The following VKORC1L1 variants were observed in gnomAD, a reference collection of about 807,000 sequenced individuals.
VKORC1L1 encodes vitamin K epoxide reductase complex subunit 1L1, also known as vitamin K epoxide reductase complex subunit 1-like protein 1.
A neutral mutation model predicts 18.9 loss-of-function variants in VKORC1L1; 2 were observed. That is an observed-to-expected ratio of 0.11 (90% CI 0.04 to 0.33). VKORC1L1 has a LOEUF of 0.33. Ranked by LOEUF, VKORC1L1 falls within the 10% of genes least tolerant of loss-of-function variation. VKORC1L1 has a pLI of 1.00. For synonymous variants in VKORC1L1, 96 were observed against 100.0 expected, an observed-to-expected ratio of 0.96 and a Z score of 0.24; for missense variants, 123 against 224.1, an observed-to-expected ratio of 0.55 and a Z score of 2.88.
rs1403191146 is a variant in VKORC1L1 at position 65,873,084 on chromosome 7, C to G, written c.-288C>G. On this transcript the variant is annotated 5_prime_UTR_variant, in exon 1 of 3. Coordinates refer to ENST00000360768, the MANE Select transcript of VKORC1L1 (RefSeq NM_173517.6). ...GCGCCACGCCGCCTCAGTCTCCGCC[C>G]GCCGATCCGGCCTCTTCGGCCGTTG... Among the ~76,000 whole-genome samples, 1 of 149,012 alleles carries G rather than the reference C, an allele frequency of 6.7e-6. No homozygotes were observed. The highest frequency in any genetic ancestry group is 1.5e-5 in the Non-Finnish European group (1 of 66,656).
At chr7:65,884,831 T>A (rs1788986612) in intron 1 of VKORC1L1, among the ~76,000 whole-genome samples, 1 of 152,206 alleles carries the variant, frequency 6.6e-6, no homozygotes, top group Admixed American at 6.5e-5. Flanking sequence ...GATTTAATGG[T>A]TTCACATTTA....
At chr7:65,872,518 C>A (rs890421213), upstream of VKORC1L1, among the ~76,000 whole-genome samples, 3 of 151,848 alleles carry the variant, frequency 2.0e-5, no homozygotes, top group Admixed American at 6.6e-5. Flanking sequence ...AGTAGAGACG[C>A]GGTTACGCCA....
rs574488778 is a variant in VKORC1L1 at position 65,939,205 on chromosome 7, G to GAC, written c.195-9466_195-9465insAC. Among the ~76,000 whole-genome samples, 54 of 152,322 alleles carry GAC rather than the reference G, an allele frequency of 3.5e-4. No homozygotes were observed. The East Asian group carries it at 7.1e-3, about 20-fold the overall frequency. On this transcript the variant is annotated intron_variant, in intron 1 of 2. Coordinates refer to ENST00000360768, the MANE Select transcript of VKORC1L1 (RefSeq NM_173517.6). ...TAACCTTTGATGACCACGACTCCGTGGATAAGATTGTCATTCAGAAATACT... is the reference window on the plus strand; with the variant it reads ...TAACCTTTGATGACCACGACTCCGTGACGATAAGATTGTCATTCAGAAATACT...
chr7:65,889,450 G>A (rs1453442241), intron 1 of VKORC1L1, among the ~76,000 whole-genome samples: 1 of 152,162 alleles, frequency 6.6e-6, no homozygotes, highest in Non-Finnish European at 1.5e-5. Context: ...ACTTGTCCAT[G>A]ATTCTCTTCC....
chr7:65,866,013 G>T, the VKORC1L1 span, among the ~76,000 whole-genome samples: 17 of 151,978 alleles, frequency 1.1e-4, no homozygotes, highest in African/African-American at 4.1e-4. Context: ...CCAGCTACTC[G>T]AGGGGCTAAG....
chr7:65,894,992 CAT>C (rs962941177), intron 1 of VKORC1L1, among the ~76,000 whole-genome samples: 12 of 152,294 alleles, frequency 7.9e-5, no homozygotes, highest in African/African-American at 2.6e-4. Flanking sequence ...AATGCTAAAA[CAT>C]ATTTTGTTCT....
rs1790270921 is a variant in VKORC1L1, at chr7:65,954,961, T to C, written c.*661T>C. 6.6e-6 allele frequency: 1 copy of C among 152,054 alleles called. No individual in the cohort carries two copies. Among genetic ancestry groups the C allele is most frequent in the African/African-American group, 2.4e-5 (1 of 41,354 alleles). The allele number at this position is 152,054 out of a possible 1,614,324, so 9.4% of individuals were successfully genotyped here. ...TGGCAGCCGTGGTTGCAGCAAATAATAGGGCAAAAAAAATAATAATAGGGT... is the reference window on the plus strand; with the variant it reads ...TGGCAGCCGTGGTTGCAGCAAATAACAGGGCAAAAAAAATAATAATAGGGT... On this transcript the variant is annotated 3_prime_UTR_variant, in exon 3 of 3. Coordinates refer to ENST00000360768, the MANE Select transcript of VKORC1L1 (RefSeq NM_173517.6).
At chr7:65,868,172 ACAGT>A (rs537547533), upstream of VKORC1L1, among the ~76,000 whole-genome samples, 127 of 152,262 alleles carry the variant, frequency 8.3e-4, no homozygotes, top group Non-Finnish European at 1.4e-3. Flanking sequence ...AAGTCAGAAA[ACAGT>A]CAGGTGAGAT....
intron 1 of VKORC1L1, among the ~76,000 whole-genome samples, chr7:65,909,860 G>A (rs576075751): frequency 2.6e-4 from 40 of 152,050 alleles, no homozygotes; most frequent in Middle Eastern, 3.4e-3. Context: ...TGGGATTACA[G>A]GCATGTGCCA....
At chr7:65,921,069 G>GC (rs1338163667) in intron 1 of VKORC1L1, among the ~76,000 whole-genome samples, 2 of 151,942 alleles carry the variant, frequency 1.3e-5, no homozygotes, top group South Asian at 2.1e-4. Flanking sequence ...CTTTGGGGGG[G>GC]GTTTAACTGG....
upstream of VKORC1L1, among the ~76,000 whole-genome samples, chr7:65,871,538 G>A (rs1788726202): frequency 6.6e-6 from 1 of 152,202 alleles, no homozygotes; most frequent in African/African-American, 2.4e-5. Flanking sequence ...CTTCGTAAAA[G>A]TGATGGGATG....
chr7:65,928,282 G>C (rs554275866), intron 1 of VKORC1L1, among the ~76,000 whole-genome samples: 4 of 142,558 alleles, frequency 2.8e-5, no homozygotes, highest in Non-Finnish European at 6.1e-5. Context: ...TTTCAGATGG[G>C]GTCTCACTGT....
chr7:65,893,295 A>C (rs1789138726), intron 1 of VKORC1L1, among the ~76,000 whole-genome samples: 1 of 152,210 alleles, frequency 6.6e-6, no homozygotes, highest in African/African-American at 2.4e-5. Context: ...GTAATCCATC[A>C]GTTTGGGAGG....
chr7:65,901,504 G>A (rs1789316700), intron 1 of VKORC1L1, among the ~76,000 whole-genome samples: 1 of 152,188 alleles, frequency 6.6e-6, no homozygotes, highest in Admixed American at 6.6e-5. Flanking sequence ...TAGGCATTGG[G>A]TAACAGGCAA....
intron 2 of VKORC1L1, among the ~76,000 whole-genome samples, chr7:65,952,038 C>A (rs1790221418): frequency 6.6e-6 from 1 of 152,160 alleles, no homozygotes; most frequent in Admixed American, 6.5e-5. Flanking sequence ...GTGCTTTAAT[C>A]CTGCATTATC....
At chr7:65,894,921 A>G (rs372319992) in intron 1 of VKORC1L1, among the ~76,000 whole-genome samples, 11 of 152,268 alleles carry the variant, frequency 7.2e-5, no homozygotes, top group African/African-American at 2.6e-4. Flanking sequence ...TAACAAGAAA[A>G]TGAAAGATAT....
At chr7:65,881,047 G>A (rs759234436) in intron 1 of VKORC1L1, among the ~76,000 whole-genome samples, 1 of 152,026 alleles carries the variant, frequency 6.6e-6, no homozygotes, top group Non-Finnish European at 1.5e-5. Flanking sequence ...ATGCTCAACC[G>A]GTATATAATG....
chr7:65,935,455 G>A (rs996763407), intron 1 of VKORC1L1, among the ~76,000 whole-genome samples: 4 of 151,816 alleles, frequency 2.6e-5, no homozygotes, highest in East Asian at 1.9e-4. Context: ...AATTACAGAC[G>A]CACGCCACCA....
At chr7:65,943,108 A>G (rs1475239537) in intron 1 of VKORC1L1, among the ~76,000 whole-genome samples, 5 of 152,162 alleles carry the variant, frequency 3.3e-5, no homozygotes. Flanking sequence ...TGATCCAAAA[A>G]TAATAAGTGG....
Sources: gnomAD v4.1 joint callset for allele counts (sites outside exome capture counted in the v4.1 genomes callset) on GRCh38, gnomAD v4.1.1 for gene constraint, MANE v1.5 for transcripts, NCBI Gene and HGNC (gene_info 2026-07-23, HGNC 2026-07-21) for gene names.